FAM228B: variants seen among roughly 807,000 people sequenced by gnomAD.
FAM228B encodes protein FAM228B.
A neutral mutation model predicts 42.6 loss-of-function variants in FAM228B; 38 were observed. The ratio of observed to expected loss-of-function variants is 0.89; its 90% CI spans 0.69 to 1.17. The LOEUF is 1.17. Ranked by LOEUF, FAM228B falls within the 50% of genes most tolerant of loss-of-function variation. FAM228B has a pLI of 0.00. For missense variants in FAM228B, 344 were observed against 367.3 expected, an observed-to-expected ratio of 0.94 and a Z score of 0.52; for synonymous variants, 109 against 122.3, an observed-to-expected ratio of 0.89 and a Z score of 0.72.
intron 2 of FAM228B, among the ~76,000 whole-genome samples, chr2:24,125,484 A>C (rs1394263564): frequency 6.6e-6 from 1 of 152,148 alleles, no homozygotes; most frequent in East Asian, 1.9e-4. Flanking sequence ...AGCTTCCTTA[A>C]TATTCTGTTG....
At chr2:24,115,386 C>T in intron 3 of FAM228B, 1 of 582,516 alleles carries the variant, frequency 1.7e-6, no homozygotes, top group Non-Finnish European at 3.0e-6. Context: ...ATGACCAACA[C>T]TTATTAAAAA....
chr2:24,160,741 A>G (rs140842866), intron 7 of FAM228B, among the ~76,000 whole-genome samples: 104 of 152,204 alleles, frequency 6.8e-4, no homozygotes, highest in African/African-American at 2.5e-3. Flanking sequence ...TTTATGTTCT[A>G]CGCAGGGCCA....
chr2:24,168,789 GGAGGCA>G (rs1305286595), intron 10 of FAM228B, among the ~76,000 whole-genome samples: 1 of 152,100 alleles, frequency 6.6e-6, no homozygotes, highest in Non-Finnish European at 1.5e-5. Flanking sequence ...CCACAGGTGA[GGAGGCA>G]GCACCCTGGA....
chr2:24,140,110 C>T (rs1359553103), intron 5 of FAM228B, among the ~76,000 whole-genome samples: 1 of 152,102 alleles, frequency 6.6e-6, no homozygotes, highest in African/African-American at 2.4e-5. Context: ...ACAGATGAGA[C>T]AAGTAAGATT....
chr2:24,120,685 A>T (rs991677591), upstream of FAM228B, among the ~76,000 whole-genome samples: 1 of 151,190 alleles, frequency 6.6e-6, no homozygotes, highest in Non-Finnish European at 1.5e-5. Flanking sequence ...CCTCCCAAGT[A>T]GCTGGGATTA....
At chr2:24,094,027 T>C (rs899243861) in intron 2 of FAM228B, among the ~76,000 whole-genome samples, 2 of 127,040 alleles carry the variant, frequency 1.6e-5, no homozygotes, top group African/African-American at 5.7e-5. Context: ...AATCGCCACA[T>C]ACTTTTTTTT....
At position 24,077,905 on chromosome 2, in the gene FAM228B, G is replaced by A. The variant is rs1053119550; in HGVS notation, c.-290+936G>A. 3.3e-5 allele frequency: 27 copies of A among 809,234 alleles called. No homozygotes were observed. Among genetic ancestry groups the A allele is most frequent in the African/African-American group, 6.9e-5 (4 of 57,988 alleles). The allele number at this position is 809,234 out of a possible 1,614,324, so 50.1% of individuals were successfully genotyped here. A position where few individuals can be genotyped will look rare whatever the true frequency, so the allele number is the denominator to read the frequency against. ...CTTAACCCCTCACTTCCTAGCATGT[G>A]TGTGAAATACCCTTGAAGGAGTCAT... On this transcript the variant is annotated intron_variant, in intron 1 of 10. Coordinates refer to the FAM228B transcript ENST00000613899. The surrounding 1 kb of genome is among the most constrained non-coding windows in gnomAD (Gnocchi z 5.5).
intron 3 of FAM228B, chr2:24,097,451 CAAAAAAAAAAAA>C (rs142500481): frequency 1.4e-5 from 1 of 70,378 alleles, no homozygotes; most frequent in Non-Finnish European, 2.7e-5. Context: ...AAATGGAAAG[CAAAAAAAAAAAA>C]AAAAAAAAGC....
At chr2:24,093,867 T>G (rs1665442373) in intron 2 of FAM228B, among the ~76,000 whole-genome samples, 1 of 151,936 alleles carries the variant, frequency 6.6e-6, no homozygotes, top group South Asian at 2.1e-4. Context: ...TCTGCCCACC[T>G]CAGACTCCCA....
chr2:24,102,934 T>C (rs1366912945), intron 3 of FAM228B, among the ~76,000 whole-genome samples: 1 of 152,204 alleles, frequency 6.6e-6, no homozygotes, highest in African/African-American at 2.4e-5. Flanking sequence ...TGTTAATATG[T>C]GCCTTGTAAC....
chr2:24,139,527 C>T lies in FAM228B; in HGVS notation c.441+77C>T, dbSNP rs1666698135. ...GAGCAGCCCTAATATATGAGCAGTC[C>T]TTAAGCGATTCCCTAAAAGTGCAGT... On this transcript the variant is annotated intron_variant, in intron 5 of 10. Coordinates refer to ENST00000615575, the MANE Select transcript of FAM228B (RefSeq NM_001145710.2). 6 of 728,124 alleles carry T rather than the reference C, an allele frequency of 8.2e-6. No homozygotes were observed. In the South Asian group the frequency reaches 1.2e-4, roughly 14 times the overall value. 45.1% of individuals were successfully genotyped at this position (728,124 alleles called of 1,614,324 possible).
rs569471482 is a variant in FAM228B, at chr2:24,142,570, G to A, written c.441+3120G>A. On this transcript the variant is annotated intron_variant, in intron 5 of 10. Transcript: ENST00000615575. Reference sequence around the variant, plus strand: ...AAATATGGATGATTGCTTGAATTGTGAGCTGAACTGGCTGCTTTTTTTTCT... The same window carrying A: ...AAATATGGATGATTGCTTGAATTGTAAGCTGAACTGGCTGCTTTTTTTTCT... The A allele has an allele frequency of 2.6e-5, 4 of 152,304 alleles. No individual in the cohort carries two copies. In the East Asian group the frequency reaches 7.7e-4, roughly 29 times the overall value. 9.4% of individuals were successfully genotyped at this position (152,304 alleles called of 1,614,324 possible).
upstream of FAM228B, among the ~76,000 whole-genome samples, chr2:24,118,487 T>G (rs1665993662): frequency 6.6e-6 from 1 of 152,182 alleles, no homozygotes; most frequent in South Asian, 2.1e-4. Flanking sequence ...CATCAGACAC[T>G]GTGTTAGGTA....
chr2:24,080,611 C>A lies in FAM228B; in HGVS notation c.-289-265C>A, dbSNP rs1414662715. 1 of 624,980 alleles carries A rather than the reference C, an allele frequency of 1.6e-6. No homozygotes were observed. The highest frequency in any genetic ancestry group is 1.8e-5 in the African/African-American group (1 of 54,362). The allele number at this position is 624,980 out of a possible 1,614,324, so 38.7% of individuals were successfully genotyped here. A position where few individuals can be genotyped will look rare whatever the true frequency, so the allele number is the denominator to read the frequency against. ...AAGTGTGGATGAATCTTATCTCTTGCAAGAATGCACATGGAAACCATCTTA... is the reference window on the plus strand; with the variant it reads ...AAGTGTGGATGAATCTTATCTCTTGAAAGAATGCACATGGAAACCATCTTA... On this transcript the variant is annotated intron_variant, in intron 1 of 10. Coordinates refer to the FAM228B transcript ENST00000613899. This position sits in a 1 kb window ranked among gnomAD's most constrained non-coding sequence, Gnocchi z 4.7.
intron 7 of FAM228B, among the ~76,000 whole-genome samples, chr2:24,160,429 T>C (rs1172561269): frequency 6.6e-6 from 1 of 152,218 alleles, no homozygotes; most frequent in East Asian, 1.9e-4. Context: ...TTCTTTGCAT[T>C]CTGCTTCTGG....
At chr2:24,134,964 CAAAA>C (rs947850916) in intron 2 of FAM228B, among the ~76,000 whole-genome samples, 151 bp from the exon 3 acceptor site, 22 of 151,590 alleles carry the variant, frequency 1.5e-4, no homozygotes, top group African/African-American at 5.3e-4. Context: ...AAGAAACAAA[CAAAA>C]AAAAGCACTC....
intron 7 of FAM228B, among the ~76,000 whole-genome samples, chr2:24,156,778 C>A (rs1178301209): frequency 7.9e-5 from 2 of 25,278 alleles, no homozygotes; most frequent in African/African-American, 7.8e-5. Context: ...CTTTCCGCCC[C>A]CCCCCCCCCA....
At chr2:24,113,071 A>G (rs1228533212) in intron 3 of FAM228B, among the ~76,000 whole-genome samples, 1 of 152,172 alleles carries the variant, frequency 6.6e-6, no homozygotes, top group East Asian at 1.9e-4. Flanking sequence ...TGACTCATTT[A>G]CAACTTGCCT....
At chr2:24,119,535 C>T (rs922376500), upstream of FAM228B, 4 of 1,455,650 alleles carry the variant, frequency 2.7e-6, no homozygotes, top group African/African-American at 2.8e-5. Flanking sequence ...GAAGACCCAA[C>T]TAACATAGGG....
Sources: gnomAD v4.1 joint callset for allele counts (sites outside exome capture counted in the v4.1 genomes callset) on GRCh38, gnomAD v4.1.1 for gene constraint, Gnocchi (gnomAD v3.1) non-coding constraint, MANE v1.5 for transcripts, NCBI Gene and HGNC (gene_info 2026-07-23, HGNC 2026-07-21) for gene names.